Variants in NEXMIF observed in about 807,000 individuals in gnomAD.
The protein encoded by NEXMIF is XLMR protein related to neurite extension.
In NEXMIF, 8 loss-of-function variants were observed where a neutral mutation model predicts 62.1. The ratio of observed to expected loss-of-function variants is 0.13; its 90% confidence interval spans 0.08 to 0.23. The LOEUF (loss-of-function observed/expected upper bound fraction) is 0.23. Ranked by LOEUF, NEXMIF falls within the 10% of genes least tolerant of loss-of-function variation. The pLI, the probability that NEXMIF is intolerant of heterozygous loss-of-function variation, is 1.00. For synonymous variants in NEXMIF, 404 were observed against 416.6 expected (o/e 0.97, Z 0.37); for missense variants, 976 against 1,113.3 (o/e 0.88, Z 1.75).
At chrX:74,902,327 C>G (rs766475733) in intron 1 of NEXMIF, among the ~76,000 whole-genome samples, 3 of 109,078 alleles carry the variant, frequency 2.8e-5, no homozygotes, top group Admixed American at 1.0e-4. Flanking sequence ...CTGATCAGCT[C>G]TGATGCATGT....
chrX:74,806,868 G>C (rs1345295956), intron 1 of NEXMIF, among the ~76,000 whole-genome samples: 1 of 112,718 alleles, frequency 8.9e-6, no homozygotes, highest in Non-Finnish European at 1.9e-5. Flanking sequence ...TGGAAGATCA[G>C]TTGACTGTAT....
intron 1 of NEXMIF, among the ~76,000 whole-genome samples, chrX:74,901,367 A>C (rs866748938): frequency 1.8e-5 from 2 of 111,853 alleles, no homozygotes; most frequent in Non-Finnish European, 1.9e-5. Flanking sequence ...CTAAGATGTC[A>C]ATGTGAGGTT....
chrX:74,873,056 T>G (rs1252793379), intron 1 of NEXMIF, among the ~76,000 whole-genome samples: 2 of 110,093 alleles, frequency 1.8e-5, no homozygotes, highest in East Asian at 5.7e-4. Context: ...TCATTACTTA[T>G]GTATACATGT....
chrX:74,818,098 A>C (rs915149954), intron 1 of NEXMIF, among the ~76,000 whole-genome samples: 3 of 110,006 alleles, frequency 2.7e-5, no homozygotes, highest in Admixed American at 9.6e-5. Flanking sequence ...CAGAATTAAA[A>C]AAAAATTATA....
chrX:74,818,693 A>G (rs967954381), intron 1 of NEXMIF, among the ~76,000 whole-genome samples: 8 of 112,262 alleles, frequency 7.1e-5, no homozygotes, highest in East Asian at 2.8e-4. Flanking sequence ...ATGGGATAAA[A>G]TATTTGCAAA....
intron 1 of NEXMIF, among the ~76,000 whole-genome samples, chrX:74,818,064 T>C (rs1250911954): frequency 1.8e-5 from 2 of 110,171 alleles, no homozygotes; most frequent in Non-Finnish European, 3.8e-5. Context: ...GCTATTCCTA[T>C]GAAACCACCA....
chrX:74,816,335 A>G (rs746815536), intron 1 of NEXMIF, among the ~76,000 whole-genome samples: 2 of 112,224 alleles, frequency 1.8e-5, no homozygotes, highest in African/African-American at 6.5e-5. Context: ...TTTTATTTAG[A>G]GCAAAATTAT....
At chrX:74,750,285 A>G (rs1342394688) in intron 1 of NEXMIF, among the ~76,000 whole-genome samples, 1 of 112,006 alleles carries the variant, frequency 8.9e-6, no homozygotes, top group African/African-American at 3.2e-5. Flanking sequence ...AAGACAGATC[A>G]AAGAGTTAAT....
intron 1 of NEXMIF, among the ~76,000 whole-genome samples, chrX:74,820,579 C>A (rs2080391641): frequency 9.0e-6 from 1 of 111,583 alleles, no homozygotes; most frequent in Non-Finnish European, 1.9e-5. Context: ...GCACTATTCA[C>A]TTAGCAAAGA....
At chrX:74,883,435 G>A (rs1165093422) in intron 1 of NEXMIF, among the ~76,000 whole-genome samples, 1 of 111,590 alleles carries the variant, frequency 9.0e-6, no homozygotes, top group Admixed American at 9.5e-5. Flanking sequence ...AAAAACCAAT[G>A]GAGAGAAGAC....
At chrX:74,747,312 A>G (rs1474125882) in intron 1 of NEXMIF, among the ~76,000 whole-genome samples, 1 of 111,745 alleles carries the variant, frequency 8.9e-6, no homozygotes, top group African/African-American at 3.3e-5. Context: ...AGTCCAAGGT[A>G]TGGAAAGAGA....
chrX:74,865,552 C>T (rs764991617), intron 1 of NEXMIF, among the ~76,000 whole-genome samples: 1 of 112,352 alleles, frequency 8.9e-6, no homozygotes, highest in South Asian at 3.7e-4. Flanking sequence ...TAACAAGGAG[C>T]TGAATGTTAA....
intron 1 of NEXMIF, among the ~76,000 whole-genome samples, chrX:74,872,725 C>T (rs1486717805): frequency 9.2e-6 from 1 of 108,870 alleles, no homozygotes; most frequent in Non-Finnish European, 1.9e-5. Flanking sequence ...GATGGCTAGC[C>T]CATATACCCT....
At chrX:74,863,171 CA>C (rs59749275) in intron 1 of NEXMIF, among the ~76,000 whole-genome samples, 37,737 of 88,895 alleles carry the variant, frequency 0.42, 8,606 homozygotes, top group East Asian at 0.92. Context: ...GACTACATCT[CA>C]AAAAAAAAAA....
intron 1 of NEXMIF, among the ~76,000 whole-genome samples, chrX:74,751,310 G>A (rs760108522): frequency 9.0e-6 from 1 of 111,664 alleles, no homozygotes; most frequent in East Asian, 2.8e-4. Context: ...GACAGAGTAC[G>A]ATCATTAGCT....
intron 1 of NEXMIF, among the ~76,000 whole-genome samples, chrX:74,753,944 T>C (rs2080151654): frequency 8.9e-6 from 1 of 112,111 alleles, no homozygotes; most frequent in African/African-American, 3.2e-5. Flanking sequence ...AGGGATACCA[T>C]GACAAGTACA....
chrX:74,841,786 T>G (rs1343193421), intron 1 of NEXMIF, among the ~76,000 whole-genome samples: 1 of 112,300 alleles, frequency 8.9e-6, no homozygotes, highest in Admixed American at 9.4e-5. Context: ...CACATTTTTT[T>G]GATTTGCTTA....
intron 1 of NEXMIF, among the ~76,000 whole-genome samples, chrX:74,861,613 C>A (rs2080557844): frequency 9.0e-6 from 1 of 111,601 alleles, no homozygotes; most frequent in African/African-American, 3.3e-5. Context: ...ATGTCACCTA[C>A]AAAGAGAAGT....
intron 1 of NEXMIF, among the ~76,000 whole-genome samples, chrX:74,915,773 T>C (rs1273557206): frequency 2.7e-5 from 3 of 110,817 alleles, no homozygotes; most frequent in Non-Finnish European, 5.7e-5. Flanking sequence ...GGCTTGAATA[T>C]GGAAGGGGAC....
Sources: allele counts gnomAD v4.1 joint callset (sites outside exome capture counted in the v4.1 genomes callset), GRCh38; gene constraint gnomAD v4.1.1; transcripts MANE v1.5; gene names NCBI Gene and HGNC (gene_info 2026-07-23, HGNC 2026-07-21).